Variants in DLGAP1 observed in about 807,000 individuals in gnomAD.
The protein encoded by DLGAP1 is DLG associated protein 1.
A neutral mutation model predicts 90.8 loss-of-function variants in DLGAP1; 11 were observed. That is an observed-to-expected ratio of 0.12 (90% CI 0.08 to 0.20). The LOEUF (loss-of-function observed/expected upper bound fraction) is 0.20, where lower values mean the gene tolerates loss of function less well. DLGAP1 is among the 10% of genes least tolerant of loss of function. The pLI, the probability that DLGAP1 is intolerant of heterozygous loss-of-function variation, is 1.00. For synonymous variants in DLGAP1, 558 were observed against 540.7 expected (o/e 1.03, Z -0.44); for missense variants, 1,050 against 1,333.8 (o/e 0.79, Z 3.31).
chr18:3,563,991 A>G (rs2054294579), intron 9 of DLGAP1, among the ~76,000 whole-genome samples: 1 of 152,176 alleles, frequency 6.6e-6, no homozygotes, highest in African/African-American at 2.4e-5. Flanking sequence ...TTCTTTCATT[A>G]GAGCCCTTAG....
At chr18:4,091,790 T>A (rs1376591535) in intron 2 of DLGAP1, among the ~76,000 whole-genome samples, 1 of 152,206 alleles carries the variant, frequency 6.6e-6, no homozygotes, top group African/African-American at 2.4e-5. Context: ...TTCCAATGGA[T>A]CCTTTAACAT....
At chr18:3,971,949 A>G (rs760700577) in intron 3 of DLGAP1, among the ~76,000 whole-genome samples, 31 of 152,184 alleles carry the variant, frequency 2.0e-4, no homozygotes, top group Non-Finnish European at 3.7e-4. Flanking sequence ...CCAGTTGAGT[A>G]AGGGAGGATC....
chr18:3,586,599 C>T (rs73940046), intron 7 of DLGAP1, among the ~76,000 whole-genome samples: 5 of 152,016 alleles, frequency 3.3e-5, no homozygotes, highest in African/African-American at 9.7e-5. Context: ...GGTGGCACAA[C>T]GGGCGCATGC....
rs2049702698 is a variant in DLGAP1, at chr18:3,496,571, T to C, written c.*2614A>G. 6.6e-6 allele frequency: 1 copy of C among 152,010 alleles called. No homozygotes were observed. The highest frequency in any genetic ancestry group is 1.5e-5 in the Non-Finnish European group (1 of 68,036). The allele number at this position is 152,010 out of a possible 1,614,324, so 9.4% of individuals were successfully genotyped here. ...TTTTTGATGTGGGAGACAAACTTCT[T>C]TTGTAATCCCCCCCTCCCCAAGAAA... is the stretch of plus-strand genomic sequence containing the variant. On this transcript the variant is annotated 3_prime_UTR_variant, in exon 13 of 13. Coordinates refer to ENST00000315677, the MANE Select transcript of DLGAP1 (RefSeq NM_004746.4).
In DLGAP1 at chr18:4,107,159, G is replaced by A. The variant is rs73943821; in HGVS notation, c.-159+44021C>T. Among the ~76,000 whole-genome samples, 1,041 of 152,320 alleles carry A rather than the reference G, an allele frequency of 6.8e-3. 14 individuals carry two copies. Among genetic ancestry groups the A allele is most frequent in the African/African-American group, 0.024 (1,005 of 41,578 alleles). On this transcript the variant is annotated intron_variant, in intron 2 of 12. Transcript: ENST00000315677. The stretch of plus-strand genomic sequence containing the variant: ...GCTGGATTACAATTGCCTCTTTGCT[G>A]AAGCAAAACACACATGGTGCTTAGA...
chr18:3,903,216 A>G (rs1361059418), intron 3 of DLGAP1, among the ~76,000 whole-genome samples: 3 of 152,180 alleles, frequency 2.0e-5, no homozygotes, highest in African/African-American at 7.2e-5. Context: ...GGAAAAATCA[A>G]TGACCTGCTT....
At chr18:3,791,008 A>T (rs1165103031) in intron 5 of DLGAP1, among the ~76,000 whole-genome samples, 5 of 152,178 alleles carry the variant, frequency 3.3e-5, no homozygotes, top group African/African-American at 1.2e-4. Context: ...GCTCCCGCAG[A>T]TGTGGTTTCT....
Position 4,378,193 on chromosome 18 carries a change from G to A in DLGAP1, c.-267+76813C>T, listed in dbSNP as rs1003555007. On this transcript the variant is annotated intron_variant, in intron 1 of 12. Transcript: ENST00000315677. This position sits in a 1 kb window ranked among gnomAD's most constrained non-coding sequence, Gnocchi z 4.5. Reference sequence around the variant, plus strand: ...TACTACAAACTATGGTTATCTATACGGAAGACTACTGAATGGGGGAGGTGT... The same window carrying A: ...TACTACAAACTATGGTTATCTATACAGAAGACTACTGAATGGGGGAGGTGT... Among the ~76,000 whole-genome samples the A allele has an allele frequency of 4.0e-5, 6 of 150,568 alleles. No individual in the cohort carries two copies. Among genetic ancestry groups the A allele is most frequent in the Admixed American group, 2.0e-4 (3 of 15,056 alleles).
At chr18:3,829,773 T>G (rs762078684) in intron 4 of DLGAP1, among the ~76,000 whole-genome samples, 1 of 152,110 alleles carries the variant, frequency 6.6e-6, no homozygotes, top group Non-Finnish European at 1.5e-5. Context: ...GTCTACTGAT[T>G]ATAGATTTTA....
chr18:3,976,191 C>CAATGATAATAATAATAAT (rs2073571441), intron 3 of DLGAP1, among the ~76,000 whole-genome samples: 1 of 132,792 alleles, frequency 7.5e-6, no homozygotes, highest in Non-Finnish European at 1.5e-5. Flanking sequence ...ACTAAAAATA[C>CAATGATAATAATAATAAT]AATAATAATA....
chr18:3,682,015 G>A (rs935967634), intron 7 of DLGAP1, among the ~76,000 whole-genome samples: 51 of 151,748 alleles, frequency 3.4e-4, no homozygotes, highest in Non-Finnish European at 4.4e-5. Flanking sequence ...CTACTTGGGA[G>A]GCTGAGGCAG....
rs2058341112 is a variant in DLGAP1 at position 3,627,536 on chromosome 18, T to G, written c.1592-45288A>C. On this transcript the variant is annotated intron_variant, in intron 7 of 12. Coordinates refer to ENST00000315677, the MANE Select transcript of DLGAP1 (RefSeq NM_004746.4). ...ACACGCTATCCGGATGCTTCTCTAA[T>G]GGGTGGGCGTATCAGAATTTTGAGG... Among the ~76,000 whole-genome samples, 3 of 152,280 alleles carry G rather than the reference T, an allele frequency of 2.0e-5. No homozygotes were observed. In the South Asian group the frequency reaches 6.2e-4, roughly 32 times the overall value.
In DLGAP1 at chr18:3,570,332, G is replaced by A. The variant is rs182195904; in HGVS notation, c.1966-2751C>T. Among the ~76,000 whole-genome samples the A allele has an allele frequency of 2.6e-3, 398 of 150,738 alleles. 1 individual carries two copies. The highest frequency in any genetic ancestry group is 9.6e-3 in the African/African-American group (392 of 41,040). The stretch of plus-strand genomic sequence containing the variant: ...TTCACTCTGTTGCCCAGGTTAGAGT[G>A]CAGTGGTATGATCTCGGCTCAGTGC... On this transcript the variant is annotated intron_variant, in intron 8 of 12. Transcript: ENST00000315677.
intron 2 of DLGAP1, among the ~76,000 whole-genome samples, chr18:4,006,671 G>C (rs2074308224): frequency 6.6e-6 from 1 of 150,516 alleles, no homozygotes; most frequent in African/African-American, 2.5e-5. Context: ...TTTGAGACAG[G>C]GTATTGCTCT....
At chr18:4,032,900 T>C (rs957537405) in intron 2 of DLGAP1, among the ~76,000 whole-genome samples, 8 of 152,174 alleles carry the variant, frequency 5.3e-5, no homozygotes, top group Non-Finnish European at 7.3e-5. Context: ...GTATCCACAG[T>C]GGCTGGGTCT....
chr18:4,050,788 G>T (rs528791286), intron 2 of DLGAP1, among the ~76,000 whole-genome samples: 1 of 152,332 alleles, frequency 6.6e-6, no homozygotes, highest in East Asian at 1.9e-4. Context: ...GTAGAAAGAT[G>T]AAATCACTTG....
chr18:3,976,156 G>A (rs2073569368), intron 3 of DLGAP1, among the ~76,000 whole-genome samples: 2 of 151,316 alleles, frequency 1.3e-5, no homozygotes, highest in Non-Finnish European at 2.9e-5. Flanking sequence ...AGACCAGCCT[G>A]ACCAACATGG....
intron 3 of DLGAP1, among the ~76,000 whole-genome samples, chr18:3,929,631 T>C (rs952486125): frequency 6.6e-6 from 1 of 152,202 alleles, no homozygotes; most frequent in Non-Finnish European, 1.5e-5. Flanking sequence ...AAGGGCTCTA[T>C]AGATTTCTCT....
chr18:4,079,785 T>C (rs2143591212), intron 2 of DLGAP1, among the ~76,000 whole-genome samples: 1 of 152,082 alleles, frequency 6.6e-6, no homozygotes, highest in Non-Finnish European at 1.5e-5. Context: ...CCACTTCAGG[T>C]TTGCTTTTCT....
Sources: allele counts gnomAD v4.1 joint callset (sites outside exome capture counted in the v4.1 genomes callset), GRCh38; gene constraint gnomAD v4.1.1; non-coding constraint Gnocchi (gnomAD v3.1); transcripts MANE v1.5; gene names NCBI Gene and HGNC (gene_info 2026-07-23, HGNC 2026-07-21).